Variants in LRMDA observed in about 807,000 individuals in gnomAD.
The protein encoded by LRMDA is leucine rich melanocyte differentiation associated.
Under a neutral mutation model 29.8 loss-of-function variants are expected in LRMDA, and 18 were observed. The observed-to-expected ratio is 0.60, with a 90% confidence interval of 0.42 to 0.90. LRMDA has a LOEUF of 0.90. Ranked by LOEUF, LRMDA falls within the 40% of genes least tolerant of loss-of-function variation. LRMDA has a pLI of 0.00. For synonymous variants in LRMDA, 125 were observed against 109.4 expected (o/e 1.14, Z -0.89); for missense variants, 273 against 273.9 (o/e 1.00, Z 0.02).
intron 6 of LRMDA, among the ~76,000 whole-genome samples, chr10:76,468,687 G>C (rs1842588339): frequency 2.0e-5 from 3 of 152,140 alleles, no homozygotes; most frequent in Admixed American, 2.0e-4. Flanking sequence ...TATCCTTTAA[G>C]TAAGGCATGT....
chr10:76,175,341 G>A (rs1026230597), intron 5 of LRMDA, among the ~76,000 whole-genome samples: 2 of 152,168 alleles, frequency 1.3e-5, no homozygotes, highest in African/African-American at 4.8e-5. Flanking sequence ...TTCCTAGTCT[G>A]TGAAATAGGA....
intron 6 of LRMDA, among the ~76,000 whole-genome samples, chr10:76,544,462 A>C (rs997027711): frequency 1.3e-5 from 2 of 152,140 alleles, no homozygotes; most frequent in African/African-American, 4.8e-5. Flanking sequence ...ATTGATAGGC[A>C]AAAAACACAC....
At chr10:76,543,339 T>TA (rs1843381014) in intron 6 of LRMDA, among the ~76,000 whole-genome samples, 1 of 150,740 alleles carries the variant, frequency 6.6e-6, no homozygotes, top group Non-Finnish European at 1.5e-5. Context: ...TGTGTGTGTG[T>TA]GTGTGTGTGT....
At chr10:76,482,539 T>C (rs1842742337) in intron 6 of LRMDA, among the ~76,000 whole-genome samples, 1 of 151,958 alleles carries the variant, frequency 6.6e-6, no homozygotes, top group Non-Finnish European at 1.5e-5. Context: ...TCATTCTGAT[T>C]GTCTAGTATG....
At chr10:75,768,077 C>T (rs2067657982) in intron 2 of LRMDA, among the ~76,000 whole-genome samples, 1 of 152,214 alleles carries the variant, frequency 6.6e-6, no homozygotes. Flanking sequence ...GCACTGATTT[C>T]AGACTTCTAG....
chr10:75,795,165 G>A (rs908813701), intron 2 of LRMDA, among the ~76,000 whole-genome samples: 9 of 152,266 alleles, frequency 5.9e-5, no homozygotes, highest in East Asian at 3.9e-4. Flanking sequence ...GGAGGCTGAG[G>A]CAGGTGGATC....
At chr10:75,850,267 A>G (rs1375989507) in intron 2 of LRMDA, among the ~76,000 whole-genome samples, 1 of 152,244 alleles carries the variant, frequency 6.6e-6, no homozygotes, top group Non-Finnish European at 1.5e-5. Context: ...TTAGTCTGTA[A>G]CCATTTTTTC....
intron 2 of LRMDA, among the ~76,000 whole-genome samples, chr10:75,470,805 G>A (rs529968270): frequency 1.3e-5 from 2 of 152,194 alleles, no homozygotes; most frequent in African/African-American, 4.8e-5. Context: ...GAGAAGGGCC[G>A]CTTACTTCCT....
At chr10:76,056,780 C>G (rs923202970) in intron 4 of LRMDA, among the ~76,000 whole-genome samples, 1 of 152,072 alleles carries the variant, frequency 6.6e-6, no homozygotes, top group East Asian at 1.9e-4. Flanking sequence ...GGGGGCTTCC[C>G]AAGCCCCCAA....
Position 75,593,098 on chromosome 10 carries a change from A to T in LRMDA, c.131+154604A>T, listed in dbSNP as rs966442891. On this transcript the variant is annotated intron_variant, in intron 2 of 6. Transcript: ENST00000611255. ...CAAAAAACGGAATGATGTCATGCGG[A>T]AAAGAGTCAACCTGGGGGCAGCGAT... is the stretch of plus-strand genomic sequence containing the variant. 5.3e-5 allele frequency among the ~76,000 whole-genome samples: 8 copies of T among 152,292 alleles called. No homozygotes were observed. The East Asian group carries it at 1.5e-3, about 29-fold the overall frequency.
intron 2 of LRMDA, among the ~76,000 whole-genome samples, chr10:75,823,478 C>T (rs991447699): frequency 5.9e-5 from 9 of 151,978 alleles, no homozygotes; most frequent in Non-Finnish European, 1.0e-4. Flanking sequence ...TGAGGATATG[C>T]AGTAATATGC....
chr10:75,524,013 G>A (rs1159644087), intron 2 of LRMDA, among the ~76,000 whole-genome samples: 1 of 152,082 alleles, frequency 6.6e-6, no homozygotes, highest in Non-Finnish European at 1.5e-5. Context: ...CTGCAGTATG[G>A]GGATAACATT....
intron 2 of LRMDA, among the ~76,000 whole-genome samples, chr10:75,701,440 T>G (rs1842307066): frequency 6.6e-6 from 1 of 152,198 alleles, no homozygotes; most frequent in African/African-American, 2.4e-5. Context: ...CAGTCTCCTT[T>G]CTGATCCAAG....
Position 75,614,958 on chromosome 10 carries a change from C to T in LRMDA, c.131+176464C>T, listed in dbSNP as rs544047623. 2.0e-5 allele frequency among the ~76,000 whole-genome samples: 3 copies of T among 152,286 alleles called. No homozygotes were observed. The East Asian group carries it at 5.8e-4, about 29-fold the overall frequency. ...GAGTTAGGTGCTCACCAAGCCTAGA[C>T]CATGTCTTGGGGACTCCCTCACTGC... On this transcript the variant is annotated intron_variant, in intron 2 of 6. Coordinates refer to ENST00000611255, the MANE Select transcript of LRMDA (RefSeq NM_001305581.2).
intron 2 of LRMDA, among the ~76,000 whole-genome samples, chr10:76,021,906 C>T (rs1030225969): frequency 2.6e-5 from 4 of 152,114 alleles, no homozygotes; most frequent in African/African-American, 9.7e-5. Flanking sequence ...TTCAATGTTG[C>T]GCTTTGCATA....
intron 2 of LRMDA, among the ~76,000 whole-genome samples, chr10:75,796,227 A>G (rs796431025): frequency 2.0e-5 from 3 of 152,312 alleles, no homozygotes; most frequent in African/African-American, 7.2e-5. Flanking sequence ...ACAATGATGA[A>G]CAGAAGAGGT....
At chr10:76,549,461 C>T (rs1843468179) in intron 6 of LRMDA, among the ~76,000 whole-genome samples, 1 of 152,168 alleles carries the variant, frequency 6.6e-6, no homozygotes, top group Admixed American at 6.5e-5. Context: ...GTCAAATGCC[C>T]TCTTGTCAAA....
intron 2 of LRMDA, among the ~76,000 whole-genome samples, chr10:75,591,801 G>A (rs984147846): frequency 3.9e-5 from 6 of 152,160 alleles, no homozygotes; most frequent in Non-Finnish European, 8.8e-5. Flanking sequence ...ACAGTTCTAG[G>A]TGCTGGGGAT....
intron 5 of LRMDA, among the ~76,000 whole-genome samples, chr10:76,149,822 A>G (rs1850404031): frequency 1.3e-5 from 2 of 152,198 alleles, no homozygotes; most frequent in Admixed American, 6.5e-5. Context: ...CTTTAAGCTC[A>G]TTATCACCTA....
Sources: allele counts gnomAD v4.1 joint callset (sites outside exome capture counted in the v4.1 genomes callset), GRCh38; gene constraint gnomAD v4.1.1; transcripts MANE v1.5; gene names NCBI Gene and HGNC (gene_info 2026-07-23, HGNC 2026-07-21).